The following PSG7 variants were observed in gnomAD, a reference collection of about 807,000 sequenced individuals.
PSG7 encodes pregnancy specific beta-1-glycoprotein 7, also known as pregnancy-specific beta-1-glycoprotein 7.
A neutral mutation model predicts 45.6 loss-of-function variants in PSG7; 57 were observed. The observed-to-expected ratio is 1.25, with a 90% confidence interval of 1.01 to 1.56. The LOEUF (loss-of-function observed/expected upper bound fraction) is 1.56, where lower values mean the gene tolerates loss of function less well. Among genes scored for constraint, PSG7 ranks in the 40% most tolerant of loss-of-function variants. The pLI is 0.00. For missense variants in PSG7, 796 were observed against 508.4 expected (o/e 1.57, Z -5.44); for synonymous variants, 298 against 194.4 (o/e 1.53, Z -4.43).
intron 3 of PSG7, among the ~76,000 whole-genome samples, chr19:42,928,189 G>C (rs1030765155): frequency 6.6e-6 from 1 of 151,512 alleles, no homozygotes; most frequent in African/African-American, 2.4e-5. Context: ...AAGGCTGATT[G>C]CTATTTTCTA....
chr19:42,929,879 G>A (rs1820177366), intron 2 of PSG7, among the ~76,000 whole-genome samples, 159 bp from the exon 3 acceptor site: 1 of 151,562 alleles, frequency 6.6e-6, no homozygotes, highest in African/African-American at 2.4e-5. Context: ...ATGGCAATCT[G>A]AGGGCTCAGA....
Position 42,937,071 on chromosome 19 carries a change from C to A in PSG7, c.6G>T (p.Gly2=). The A allele has an allele frequency of 1.2e-6, 2 of 1,611,248 alleles. No homozygotes were observed. Among genetic ancestry groups the A allele is most frequent in the Middle Eastern group, 1.7e-4 (1 of 6,038 alleles). Residue 2 remains glycine (G), a synonymous_variant, in exon 1 of 6, where the codon GGG becomes GGT. Coordinates refer to ENST00000406070, the MANE Select transcript of PSG7 (RefSeq NM_002783.3). ...GTGTGCAGGGAGGGGCTGAGAGGGG[C>A]CCCATGGTCTCTGCTCCCTGCGTGT... M[G]PLSAPPCTQH...
chr19:42,928,132 C>G (rs1251581221), intron 3 of PSG7, among the ~76,000 whole-genome samples: 3 of 151,510 alleles, frequency 2.0e-5, no homozygotes, highest in African/African-American at 4.9e-5. Context: ...GAATTCCATA[C>G]TGGCCATGCT....
intron 2 of PSG7, among the ~76,000 whole-genome samples, chr19:42,932,299 T>C (rs540881064): frequency 2.0e-5 from 3 of 151,586 alleles, no homozygotes; most frequent in African/African-American, 7.3e-5. Flanking sequence ...AGTATAGGTG[T>C]GAGCCACTGT....
chr19:42,934,507 A>G lies in PSG7; in HGVS notation c.430+897T>C, dbSNP rs1017989273. ...TGTGACTCAGTTTTCTCTCAATCAAATAAGCTAAATGGCAAATGGACTGTG... is the reference window on the plus strand; with the variant it reads ...TGTGACTCAGTTTTCTCTCAATCAAGTAAGCTAAATGGCAAATGGACTGTG... On this transcript the variant is annotated intron_variant, in intron 2 of 5. Transcript: ENST00000406070. Among the ~76,000 whole-genome samples, 8 of 151,640 alleles carry G rather than the reference A, an allele frequency of 5.3e-5. 1 individual carries two copies. Among genetic ancestry groups the G allele is most frequent in the South Asian group, 2.1e-4 (1 of 4,772 alleles).
At chr19:42,925,690 A>T (rs1186728538) in intron 5 of PSG7, 83 bp downstream of exon 5, 1 of 1,604,322 alleles carries the variant, frequency 6.2e-7, no homozygotes, top group Non-Finnish European at 8.5e-7. Flanking sequence ...GGCTGGGAAT[A>T]CAAATGTTTT....
intron 2 of PSG7, among the ~76,000 whole-genome samples, chr19:42,933,125 C>G (rs1163571457): frequency 6.7e-6 from 1 of 148,232 alleles, no homozygotes; most frequent in African/African-American, 2.5e-5. Flanking sequence ...ATTTTTTAGT[C>G]CTGTGCCCCT....
rs1369410789 is a variant in PSG7 at position 42,935,413 on chromosome 19, T to TC, written c.420_421insG (p.Thr141AspfsTer30). On this transcript the variant is annotated frameshift_variant, in exon 2 of 6. Transcript: ENST00000406070. LOFTEE classifies it high-confidence loss of function. ...ATGTGGAATCACTCACGGTATAAGG[T>TC]GAAGGTGAAACGTCCAGTTACTCCT... 1.2e-6 allele frequency: 2 copies of TC among 1,611,480 alleles called. No homozygotes were observed. Among genetic ancestry groups the TC allele is most frequent in the Non-Finnish European group, 1.7e-6 (2 of 1,178,740 alleles).
At position 42,933,282 on chromosome 19, in the gene PSG7, TATATATATATATATATATATATATA is replaced by T. The variant is rs932761121; in HGVS notation, c.430+2097_430+2121del. Among the ~76,000 whole-genome samples the T allele has an allele frequency of 1.6e-3, 12 of 7,374 alleles. 1 individual carries two copies. Among genetic ancestry groups the T allele is most frequent in the South Asian group, 0.014 (2 of 140 alleles). 4.8% of individuals were successfully genotyped at this position (7,374 alleles called of 152,430 possible). A position where few individuals can be genotyped will look rare whatever the true frequency, so the allele number is the denominator to read the frequency against. On this transcript the variant is annotated intron_variant, in intron 2 of 5. Transcript: ENST00000406070. ...CACCATTTCAATATATATATATATA[TATATATATATATATATATATATATA>T]TTTTTTTTTTTTTTTGGTGTATGTA...
intron 2 of PSG7, among the ~76,000 whole-genome samples, chr19:42,934,522 AATGGACT>A (rs1973103782): frequency 6.6e-6 from 1 of 151,626 alleles, no homozygotes; most frequent in Admixed American, 6.6e-5. Flanking sequence ...CTAAATGGCA[AATGGACT>A]GTGGCTTTTC....
rs1485486043 is a variant in PSG7 at position 42,926,845 on chromosome 19, G to A, written c.710-129C>T. 9.5e-6 allele frequency: 14 copies of A among 1,471,950 alleles called. No individual in the cohort carries two copies. The Middle Eastern group carries it at 1.7e-3, about 183-fold the overall frequency. The allele number at this position is 1,471,950 out of a possible 1,614,324, so 91.2% of individuals were successfully genotyped here. ...GTCCTTGAAAGCCAATAGCTGGTGTGTGTGTCACAAGGTAGATGCATGATG... is the reference window on the plus strand; with the variant it reads ...GTCCTTGAAAGCCAATAGCTGGTGTATGTGTCACAAGGTAGATGCATGATG... On this transcript the variant is annotated intron_variant, in intron 3 of 5. Coordinates refer to ENST00000406070, the MANE Select transcript of PSG7 (RefSeq NM_002783.3).
chr19:42,930,473 C>G (rs1481673923), intron 2 of PSG7, among the ~76,000 whole-genome samples: 2 of 151,684 alleles, frequency 1.3e-5, no homozygotes, highest in African/African-American at 2.4e-5. Context: ...TCCCTTTCCC[C>G]TGTAGAGGGC....
chr19:42,925,380 T>G lies in PSG7; in HGVS notation c.1243+393A>C, dbSNP rs145972494. The G allele has an allele frequency of 9.7e-6, 4 of 414,460 alleles. No individual in the cohort carries two copies. The East Asian group carries it at 2.4e-4, about 25-fold the overall frequency. 25.7% of individuals were successfully genotyped at this position (414,460 alleles called of 1,614,324 possible). On this transcript the variant is annotated intron_variant, in intron 5 of 5. Coordinates refer to ENST00000406070, the MANE Select transcript of PSG7 (RefSeq NM_002783.3). ...AGAGAGCAAAAGTAAATATTTCAAT[T>G]ATCATTCCCAGAAGTATAGTTTATT...
Position 42,929,149 on chromosome 19 carries a change from G to C in PSG7, c.709+293C>G, listed in dbSNP as rs989113176. 11 of 596,448 alleles carry C rather than the reference G, an allele frequency of 1.8e-5. No individual in the cohort carries two copies. The South Asian group carries it at 2.4e-4, about 13-fold the overall frequency. 36.9% of individuals were successfully genotyped at this position (596,448 alleles called of 1,614,324 possible). A position where few individuals can be genotyped will look rare whatever the true frequency, so the allele number is the denominator to read the frequency against. ...CTGTGAGTCAAGTCGCAACACTGAA[G>C]TCCCAGCCAAATCCCCGCTGTGTTC... On this transcript the variant is annotated intron_variant, in intron 3 of 5. Coordinates refer to ENST00000406070, the MANE Select transcript of PSG7 (RefSeq NM_002783.3).
chr19:42,933,666 G>A (rs1048104827), intron 2 of PSG7, among the ~76,000 whole-genome samples: 1 of 150,824 alleles, frequency 6.6e-6, no homozygotes, highest in African/African-American at 2.4e-5. Context: ...AGCTGTGCAG[G>A]ACAGGGCTTG....
rs781795921 is a variant in PSG7 at position 42,935,469 on chromosome 19, A to C, written c.365T>G (p.Leu122Ter). ...VTQEDTGSYT[L>*]HIIKRGDGTG... is the part of the protein sequence containing the mutation. ...CCCATCACCTCGCTTTATGATGTGT[A>C]AAGTGTAGGATCCTGTGTCTTCCTG... Residue 122 changes from leucine (L) to a stop codon, truncating the protein, a stop_gained, in exon 2 of 6, where the codon TTA becomes TGA. Coordinates refer to ENST00000406070, the MANE Select transcript of PSG7 (RefSeq NM_002783.3). LOFTEE classifies it high-confidence loss of function. The C allele has an allele frequency of 6.2e-7, 1 of 1,612,210 alleles. No homozygotes were observed. The highest frequency in any genetic ancestry group is 8.5e-7 in the Non-Finnish European group (1 of 1,179,026).
chr19:42,935,397 C>G lies in PSG7; in HGVS notation c.430+7G>C. On this transcript the variant is annotated splice_region_variant and intron_variant, in intron 2 of 5. Coordinates refer to ENST00000406070, the MANE Select transcript of PSG7 (RefSeq NM_002783.3). ...CCAACACCCAGGGACCATGTGGAAT[C>G]ACTCACGGTATAAGGTGAAGGTGAA... 6.2e-7 allele frequency: 1 copy of G among 1,611,294 alleles called. No homozygotes were observed. Among genetic ancestry groups the G allele is most frequent in the Non-Finnish European group, 8.5e-7 (1 of 1,178,540 alleles).
chr19:42,925,528 AT>A, intron 5 of PSG7: 1 of 1,040,916 alleles, frequency 9.6e-7, no homozygotes, highest in East Asian at 2.7e-5. Context: ...ATTATTATCA[AT>A]TATTTCAATG....
intron 2 of PSG7, among the ~76,000 whole-genome samples, chr19:42,930,827 C>T (rs1471997788): frequency 1.3e-5 from 2 of 151,482 alleles, no homozygotes; most frequent in Non-Finnish European, 1.5e-5. Flanking sequence ...TGAGGGGGTT[C>T]TAGAGATCTC....
Sources: gnomAD v4.1 joint callset for allele counts (sites outside exome capture counted in the v4.1 genomes callset) on GRCh38, gnomAD v4.1.1 for gene constraint, MANE v1.5 for transcripts, NCBI Gene and HGNC (gene_info 2026-07-23, HGNC 2026-07-21) for gene names.